The following SEMA5A variants were observed in gnomAD, a reference collection of about 807,000 sequenced individuals.
SEMA5A encodes semaphorin 5A.
In SEMA5A, 55 loss-of-function variants were observed where a neutral mutation model predicts 135.5. That is an observed-to-expected ratio of 0.41 (90% CI 0.33 to 0.51). SEMA5A has a LOEUF of 0.51. Among genes scored for constraint, SEMA5A ranks in the 20% least tolerant of loss-of-function variants. The probability of loss-of-function intolerance (pLI) is 0.37; values close to 1 mark genes in which losing one functional copy is unlikely to be tolerated. For missense variants in SEMA5A, 1,290 were observed against 1,419.9 expected (o/e 0.91, Z 1.47); for synonymous variants, 580 against 546.5 (o/e 1.06, Z -0.85).
intron 11 of SEMA5A, among the ~76,000 whole-genome samples, chr5:9,169,045 G>C (rs573426959): frequency 6.6e-6 from 1 of 152,222 alleles, no homozygotes; most frequent in East Asian, 1.9e-4. Flanking sequence ...AGTTAGAAAA[G>C]ATGAAAAAAT....
At chr5:9,084,901 T>C (rs886587071) in intron 16 of SEMA5A, among the ~76,000 whole-genome samples, 1 of 152,182 alleles carries the variant, frequency 6.6e-6, no homozygotes, top group African/African-American at 2.4e-5. Flanking sequence ...AAAATGCTGA[T>C]AGCGATATGG....
intron 3 of SEMA5A, among the ~76,000 whole-genome samples, chr5:9,375,613 G>C (rs557734885): frequency 3.4e-5 from 5 of 148,438 alleles, no homozygotes; most frequent in African/African-American, 1.2e-4. Context: ...CTAGTGTGCA[G>C]TAATTTGTTA....
intron 2 of SEMA5A, among the ~76,000 whole-genome samples, chr5:9,407,270 A>G (rs1263761475): frequency 2.6e-5 from 4 of 152,210 alleles, no homozygotes; most frequent in African/African-American, 7.2e-5. Flanking sequence ...GAATATCGTG[A>G]TTTTATTTTC....
At chr5:9,268,174 A>G (rs992198737) in intron 5 of SEMA5A, among the ~76,000 whole-genome samples, 4 of 151,992 alleles carry the variant, frequency 2.6e-5, no homozygotes, top group African/African-American at 9.7e-5. Context: ...GCCCTTGAAA[A>G]TTTTTTATTG....
chr5:9,383,152 A>C (rs1481304736), intron 2 of SEMA5A, among the ~76,000 whole-genome samples: 1 of 152,230 alleles, frequency 6.6e-6, no homozygotes, highest in Non-Finnish European at 1.5e-5. Flanking sequence ...TATGAGTTTC[A>C]CTTTTGAAAA....
chr5:9,500,629 C>A (rs1203546309), intron 1 of SEMA5A, among the ~76,000 whole-genome samples: 2 of 152,120 alleles, frequency 1.3e-5, no homozygotes, highest in East Asian at 1.9e-4. Context: ...ATACAGGACA[C>A]CCAGTTCAAT....
At chr5:9,117,176 C>T (rs1323381368) in intron 15 of SEMA5A, among the ~76,000 whole-genome samples, 1 of 152,190 alleles carries the variant, frequency 6.6e-6, no homozygotes, top group East Asian at 1.9e-4. Context: ...TGTATCTTTT[C>T]CTGAAGACAC....
At chr5:9,181,705 G>A (rs1200883959) in intron 11 of SEMA5A, among the ~76,000 whole-genome samples, 2 of 152,296 alleles carry the variant, frequency 1.3e-5, no homozygotes, top group East Asian at 3.9e-4. Context: ...AGGTCCGGAA[G>A]GGATGCGACA....
intron 5 of SEMA5A, among the ~76,000 whole-genome samples, chr5:9,246,017 A>G (rs1748464182): frequency 6.6e-6 from 1 of 152,174 alleles, no homozygotes; most frequent in Non-Finnish European, 1.5e-5. Flanking sequence ...AGTATCAAGG[A>G]CATTATAATA....
chr5:9,051,493 T>C (rs961157658), intron 20 of SEMA5A, among the ~76,000 whole-genome samples: 1 of 152,230 alleles, frequency 6.6e-6, no homozygotes, highest in African/African-American at 2.4e-5. Context: ...AAGAGAATGG[T>C]GCTTTTTCTC....
chr5:9,336,420 A>C (rs1410355093), intron 4 of SEMA5A, among the ~76,000 whole-genome samples: 1 of 152,122 alleles, frequency 6.6e-6, no homozygotes, highest in African/African-American at 2.4e-5. Flanking sequence ...GAACATCTGG[A>C]GGCCAGGAGA....
intron 8 of SEMA5A, among the ~76,000 whole-genome samples, chr5:9,213,339 C>G (rs1447870982): frequency 6.6e-6 from 1 of 152,304 alleles, no homozygotes; most frequent in South Asian, 2.1e-4. Flanking sequence ...GAGAAAAAGA[C>G]GTTAAGTCCT....
At chr5:9,394,312 C>G (rs1181828829) in intron 2 of SEMA5A, among the ~76,000 whole-genome samples, 2 of 152,136 alleles carry the variant, frequency 1.3e-5, no homozygotes, top group African/African-American at 4.8e-5. Context: ...ACCAGCTCCC[C>G]CAAGAGTGGT....
chr5:9,346,918 A>G (rs770499198), intron 3 of SEMA5A, among the ~76,000 whole-genome samples: 1,512 of 110,522 alleles, frequency 0.014, 23 homozygotes, highest in African/African-American at 0.042. Flanking sequence ...GTGTGTGTAT[A>G]TATATATATA....
chr5:9,363,405 C>A (rs1579416510), intron 3 of SEMA5A: 1 of 142,310 alleles, frequency 7.0e-6, no homozygotes, highest in East Asian at 2.2e-4. Context: ...ATGGCTGCTA[C>A]CCCCACCTCC....
intron 11 of SEMA5A, among the ~76,000 whole-genome samples, chr5:9,187,331 T>C (rs1346941810): frequency 6.6e-6 from 1 of 152,158 alleles, no homozygotes; most frequent in Non-Finnish European, 1.5e-5. Context: ...CACAAGTTAG[T>C]TGAGACATGA....
rs747527731 is a variant in SEMA5A, at chr5:9,154,728, G to T, written c.1274-33C>A. On this transcript the variant is annotated intron_variant, in intron 11 of 22. Coordinates refer to ENST00000382496, the MANE Select transcript of SEMA5A (RefSeq NM_003966.3). Reference sequence around the variant, plus strand: ...GGTCACAGGATGAAAAGGAAACAAGGTCAGAGGGTCTCACAAACCAATCCC... The same window carrying T: ...GGTCACAGGATGAAAAGGAAACAAGTTCAGAGGGTCTCACAAACCAATCCC... The T allele has an allele frequency of 1.4e-5, 22 of 1,583,354 alleles. No individual in the cohort carries two copies. The Middle Eastern group carries it at 1.2e-3, about 84-fold the overall frequency.
chr5:9,278,808 A>T (rs1750396015), intron 5 of SEMA5A, among the ~76,000 whole-genome samples: 1 of 152,240 alleles, frequency 6.6e-6, no homozygotes, highest in African/African-American at 2.4e-5. Flanking sequence ...CTGCAGGTGC[A>T]CAGAAGGTGA....
chr5:9,264,133 A>G (rs1259439631), intron 5 of SEMA5A, among the ~76,000 whole-genome samples: 2 of 152,260 alleles, frequency 1.3e-5, no homozygotes, highest in Non-Finnish European at 2.9e-5. Flanking sequence ...TGGTAAGATA[A>G]GAAGAGAATA....
Sources: gnomAD v4.1 joint callset for allele counts (sites outside exome capture counted in the v4.1 genomes callset) on GRCh38, gnomAD v4.1.1 for gene constraint, MANE v1.5 for transcripts, NCBI Gene and HGNC (gene_info 2026-07-23, HGNC 2026-07-21) for gene names.